Variants in ERC2 observed in about 807,000 individuals in gnomAD.
The protein encoded by ERC2 is ERC protein 2.
Under a neutral mutation model 114.8 loss-of-function variants are expected in ERC2, and 42 were observed. That is an observed-to-expected ratio of 0.37 (90% CI 0.29 to 0.47). The LOEUF (loss-of-function observed/expected upper bound fraction) is 0.47. Among genes scored for constraint, ERC2 ranks in the 20% least tolerant of loss-of-function variants. ERC2 has a pLI of 0.99. For missense variants in ERC2, 939 were observed against 1,150.7 expected, an observed-to-expected ratio of 0.82 and a Z score of 2.66; for synonymous variants, 454 against 425.5, an observed-to-expected ratio of 1.07 and a Z score of -0.82.
At chr3:56,405,887 CT>C (rs72095902) in intron 2 of ERC2, among the ~76,000 whole-genome samples, 42 of 85,172 alleles carry the variant, frequency 4.9e-4, no homozygotes, top group South Asian at 2.2e-3. Flanking sequence ...ACTTTTTTTT[CT>C]TTTTTTTTTT....
intron 2 of ERC2, among the ~76,000 whole-genome samples, chr3:56,365,961 T>A (rs1295438132): frequency 6.6e-6 from 1 of 152,198 alleles, no homozygotes; most frequent in East Asian, 1.9e-4. Context: ...CAAATGGACA[T>A]GGCCAGACCA....
intron 2 of ERC2, among the ~76,000 whole-genome samples, chr3:56,390,454 G>A (rs1194494136): frequency 6.6e-6 from 1 of 152,106 alleles, no homozygotes; most frequent in African/African-American, 2.4e-5. Flanking sequence ...ATCTAACAGT[G>A]AAAAGCAAAA....
chr3:55,795,090 A>C (rs2070367886), intron 14 of ERC2, among the ~76,000 whole-genome samples: 1 of 152,226 alleles, frequency 6.6e-6, no homozygotes, highest in Non-Finnish European at 1.5e-5. Flanking sequence ...CTGACTAATA[A>C]GCAAAACACA....
chr3:55,597,192 G>A (rs1255059852), intron 17 of ERC2, among the ~76,000 whole-genome samples: 3 of 152,144 alleles, frequency 2.0e-5, no homozygotes, highest in Non-Finnish European at 2.9e-5. Context: ...AGGCCGAGGT[G>A]GGCGGATCAC....
chr3:55,574,815 A>G (rs1228061923), intron 17 of ERC2, among the ~76,000 whole-genome samples: 7 of 152,108 alleles, frequency 4.6e-5, no homozygotes, highest in African/African-American at 1.7e-4. Flanking sequence ...CAGAGCCTAG[A>G]TTAACTATCA....
chr3:56,339,771 C>T (rs2058013249), intron 2 of ERC2, among the ~76,000 whole-genome samples: 1 of 152,112 alleles, frequency 6.6e-6, no homozygotes, highest in Non-Finnish European at 1.5e-5. Flanking sequence ...GAATTTCCCA[C>T]CCTATGGTAT....
At chr3:56,206,026 T>C (rs528423722) in intron 3 of ERC2, among the ~76,000 whole-genome samples, 2 of 152,310 alleles carry the variant, frequency 1.3e-5, no homozygotes, top group East Asian at 3.9e-4. Context: ...CCTGTGACTG[T>C]AAGTTCATGA....
intron 6 of ERC2, among the ~76,000 whole-genome samples, chr3:56,090,800 C>CT (rs1418967326): frequency 2.4e-4 from 4 of 16,782 alleles, no homozygotes; most frequent in African/African-American, 3.7e-4. Context: ...CCTACCCTTC[C>CT]TCTTTTTTTT....
At position 55,942,266 on chromosome 3, in the gene ERC2, C is replaced by CTTTTTTTTTTTTTT. The variant is rs56851837; in HGVS notation, c.2403+8145_2403+8158dup. Among the ~76,000 whole-genome samples the CTTTTTTTTTTTTTT allele has an allele frequency of 2.4e-4, 10 of 42,112 alleles. 2 individuals are homozygous for CTTTTTTTTTTTTTT. Among genetic ancestry groups the CTTTTTTTTTTTTTT allele is most frequent in the African/African-American group, 7.6e-4 (9 of 11,866 alleles). 27.6% of individuals were successfully genotyped at this position (42,112 alleles called of 152,430 possible). ...TATTAAATGAAGTCTAAGGTCCTTT[C>CTTTTTTTTTTTTTT]TTTTTTTTTTTTTTTTTTTTTTTTT... On this transcript the variant is annotated intron_variant, in intron 13 of 17. Transcript: ENST00000288221.
chr3:56,029,744 A>G (rs2074265838), intron 7 of ERC2, among the ~76,000 whole-genome samples: 1 of 152,006 alleles, frequency 6.6e-6, no homozygotes, highest in East Asian at 1.9e-4. Context: ...GAGATTTATC[A>G]ATTTTATTTA....
intron 2 of ERC2, among the ~76,000 whole-genome samples, chr3:56,352,031 G>T (rs1354784826): frequency 6.6e-6 from 1 of 152,154 alleles, no homozygotes; most frequent in East Asian, 1.9e-4. Flanking sequence ...TGGAAGGAAG[G>T]CTGGAGAGAT....
intron 14 of ERC2, among the ~76,000 whole-genome samples, chr3:55,777,313 G>A (rs2068702521): frequency 6.6e-6 from 1 of 152,176 alleles, no homozygotes; most frequent in South Asian, 2.1e-4. Flanking sequence ...GCTAGAGCAG[G>A]AAAAAGCTGC....
chr3:56,183,098 G>T (rs972120829), intron 3 of ERC2, among the ~76,000 whole-genome samples: 1 of 152,036 alleles, frequency 6.6e-6, no homozygotes, highest in African/African-American at 2.4e-5. Flanking sequence ...ACTGAACTTT[G>T]GATCCAATAA....
At chr3:56,117,524 C>G (rs1342460645) in intron 6 of ERC2, among the ~76,000 whole-genome samples, 1 of 152,166 alleles carries the variant, frequency 6.6e-6, no homozygotes, top group East Asian at 1.9e-4. Flanking sequence ...AAAGAACACT[C>G]GTATGCATTG....
chr3:55,997,819 C>T (rs1375437618), intron 10 of ERC2, among the ~76,000 whole-genome samples: 3 of 145,710 alleles, frequency 2.1e-5, no homozygotes, highest in Non-Finnish European at 4.5e-5. Context: ...ATTGCTGAGC[C>T]TAAATAATAC....
intron 2 of ERC2, among the ~76,000 whole-genome samples, chr3:56,379,527 G>A (rs1295944028): frequency 3.3e-5 from 5 of 152,030 alleles, no homozygotes; most frequent in African/African-American, 4.8e-5. Flanking sequence ...TGAAACTGAG[G>A]CATAGAAAGT....
chr3:56,133,285 A>C (rs557112770), intron 6 of ERC2, among the ~76,000 whole-genome samples: 1 of 152,170 alleles, frequency 6.6e-6, no homozygotes, highest in African/African-American at 2.4e-5. Flanking sequence ...TAAAATACAA[A>C]AATTAGCTGG....
At chr3:56,414,835 G>A (rs924515669) in intron 2 of ERC2, among the ~76,000 whole-genome samples, 4 of 151,964 alleles carry the variant, frequency 2.6e-5, no homozygotes, top group African/African-American at 9.7e-5. Flanking sequence ...AGGACTCTGT[G>A]AGACCAAACA....
chr3:56,322,347 A>G (rs910703757), intron 2 of ERC2, among the ~76,000 whole-genome samples: 1 of 152,348 alleles, frequency 6.6e-6, no homozygotes. Context: ...ACCTTTTGCA[A>G]TATGATTTTG....
Sources: gnomAD v4.1 joint callset for allele counts (sites outside exome capture counted in the v4.1 genomes callset) on GRCh38, gnomAD v4.1.1 for gene constraint, MANE v1.5 for transcripts, NCBI Gene and HGNC (gene_info 2026-07-23, HGNC 2026-07-21) for gene names.